The following AKT3 variants were observed in gnomAD, a reference collection of about 807,000 sequenced individuals.
The protein encoded by AKT3 is AKT serine/threonine kinase 3.
A neutral mutation model predicts 65.3 loss-of-function variants in AKT3; 15 were observed. The ratio of observed to expected loss-of-function variants is 0.23; its 90% confidence interval spans 0.15 to 0.35. AKT3 has a LOEUF of 0.35. AKT3 is among the 10% of genes least tolerant of loss of function. The pLI, the probability that AKT3 is intolerant of heterozygous loss-of-function variation, is 1.00. For synonymous variants in AKT3, 206 were observed against 183.8 expected, an observed-to-expected ratio of 1.12 and a Z score of -0.98; for missense variants, 243 against 576.5, an observed-to-expected ratio of 0.42 and a Z score of 5.92.
intron 2 of AKT3, among the ~76,000 whole-genome samples, chr1:243,806,764 A>G (rs1472929136): frequency 1.3e-5 from 2 of 152,174 alleles, no homozygotes; most frequent in Non-Finnish European, 2.9e-5. Context: ...GTTTTTCAAA[A>G]TTACTCATTA....
intron 2 of AKT3, among the ~76,000 whole-genome samples, chr1:243,756,453 T>C (rs997223422): frequency 5.3e-5 from 8 of 152,106 alleles, no homozygotes; most frequent in African/African-American, 1.7e-4. Context: ...GCACAGAAGT[T>C]TGAAGGGAAT....
chr1:243,673,983 A>G (rs550873544), intron 3 of AKT3, among the ~76,000 whole-genome samples: 9 of 152,320 alleles, frequency 5.9e-5, no homozygotes, highest in Middle Eastern at 3.4e-3. Context: ...TTTTTAAACA[A>G]TTCAACAAGA....
intron 2 of AKT3, among the ~76,000 whole-genome samples, chr1:243,812,171 T>C (rs1037058837): frequency 6.6e-6 from 1 of 152,148 alleles, no homozygotes; most frequent in African/African-American, 2.4e-5. Context: ...AATTAACAAA[T>C]GGGATCTAAT....
chr1:243,520,873 A>G (rs1158737853), intron 12 of AKT3, among the ~76,000 whole-genome samples: 1 of 152,220 alleles, frequency 6.6e-6, no homozygotes, highest in Non-Finnish European at 1.5e-5. Context: ...AATGCTATGA[A>G]ATCACTCTAC....
Position 243,693,176 on chromosome 1 carries a change from T to C in AKT3, c.172+2415A>G, listed in dbSNP as rs1684811380. 2.1e-5 allele frequency among the ~76,000 whole-genome samples: 3 copies of C among 143,856 alleles called. No individual in the cohort carries two copies. In the South Asian group the frequency reaches 6.6e-4, roughly 32 times the overall value. The allele number at this position is 143,856 out of a possible 152,430, so 94.4% of individuals were successfully genotyped here. A position where few individuals can be genotyped will look rare whatever the true frequency, so the allele number is the denominator to read the frequency against. ...TTCATTAAAACCCATATTGATTAAA[T>C]ATGAAGTAATATCTTTAATTATCAG... On this transcript the variant is annotated intron_variant, in intron 3 of 13. Transcript: ENST00000673466.
At chr1:243,703,465 T>C (rs1310872621) in intron 2 of AKT3, among the ~76,000 whole-genome samples, 2 of 152,056 alleles carry the variant, frequency 1.3e-5, no homozygotes, top group African/African-American at 4.8e-5. Context: ...ATTGATGTCT[T>C]AAAAATAATC....
chr1:243,547,093 C>G (rs1446379012), intron 11 of AKT3: 1 of 152,034 alleles, frequency 6.6e-6, no homozygotes, highest in Non-Finnish European at 1.5e-5. Context: ...AAACAGTCAA[C>G]AAAACAGTAA....
chr1:243,530,718 T>C (rs1182647067), intron 12 of AKT3, among the ~76,000 whole-genome samples: 1 of 152,044 alleles, frequency 6.6e-6, no homozygotes, highest in Non-Finnish European at 1.5e-5. Context: ...GTACAAAAGA[T>C]GAACAAATCC....
chr1:243,716,127 T>C (rs1052549872), intron 2 of AKT3, among the ~76,000 whole-genome samples: 1 of 152,148 alleles, frequency 6.6e-6, no homozygotes. Flanking sequence ...CAAGAATACA[T>C]GATTTTTAAG....
chr1:243,639,663 C>G (rs1175864369), intron 5 of AKT3, among the ~76,000 whole-genome samples: 1 of 152,190 alleles, frequency 6.6e-6, no homozygotes, highest in Non-Finnish European at 1.5e-5. Flanking sequence ...ACGGGGGAAA[C>G]TGTCAGTTCT....
At chr1:243,576,958 A>G (rs796575748) in intron 8 of AKT3, among the ~76,000 whole-genome samples, 3 of 152,334 alleles carry the variant, frequency 2.0e-5, no homozygotes, top group African/African-American at 7.2e-5. Context: ...GAGCCATCAC[A>G]CTACCTGACT....
intron 11 of AKT3, among the ~76,000 whole-genome samples, chr1:243,546,224 G>T (rs1672666892): frequency 6.6e-6 from 1 of 152,234 alleles, no homozygotes; most frequent in Middle Eastern, 3.4e-3. Context: ...TGATTGTGAG[G>T]CCTCCCCAGC....
chr1:243,537,268 T>C (rs1276266932), intron 12 of AKT3, among the ~76,000 whole-genome samples: 1 of 152,092 alleles, frequency 6.6e-6, no homozygotes, highest in Non-Finnish European at 1.5e-5. Flanking sequence ...CTCCTATCCA[T>C]TTCCTTAGCC....
chr1:243,834,546 GTACTT>G (rs998096965), intron 2 of AKT3, among the ~76,000 whole-genome samples: 4 of 152,138 alleles, frequency 2.6e-5, no homozygotes, highest in African/African-American at 9.7e-5. Flanking sequence ...AGTACACACT[GTACTT>G]TAGAGAGTAT....
intron 11 of AKT3, among the ~76,000 whole-genome samples, chr1:243,551,683 A>G (rs1027441021): frequency 1.3e-5 from 2 of 152,098 alleles, no homozygotes; most frequent in Admixed American, 6.6e-5. Context: ...GCTTCAAATG[A>G]GTAGACTCAG....
intron 3 of AKT3, among the ~76,000 whole-genome samples, chr1:243,673,399 A>G (rs528077036): frequency 6.6e-6 from 1 of 150,842 alleles, no homozygotes; most frequent in African/African-American, 2.5e-5. Flanking sequence ...ATTATTGATG[A>G]TATTATATGT....
Position 243,695,595 on chromosome 1 carries a change from C to A in AKT3, c.168G>T (p.Val56=). 1 of 1,588,158 alleles carries A rather than the reference C, an allele frequency of 6.3e-7. No individual in the cohort carries two copies. The highest frequency in any genetic ancestry group is 1.2e-5 in the South Asian group (1 of 86,162). The change falls in exon 3 of 14, where the codon GTG becomes GTT. Residue 56 remains valine (V), a synonymous_variant. Coordinates refer to ENST00000673466, the MANE Select transcript of AKT3 (RefSeq NM_005465.7). ...DLPYPLNNFS[V]AKCQLMKTER... ...CAACAATTATAATTAACTTACTTGC[C>A]ACTGAAAAGTTGTTGAGGGGATAAG... is the stretch of plus-strand genomic sequence containing the variant.
intron 8 of AKT3, among the ~76,000 whole-genome samples, chr1:243,575,988 T>A (rs1480634287): frequency 1.3e-5 from 2 of 152,124 alleles, no homozygotes; most frequent in Non-Finnish European, 2.9e-5. Flanking sequence ...TTGGTTAGGA[T>A]CTTTACTAAC....
At chr1:243,736,059 T>C (rs1649476299) in intron 2 of AKT3, among the ~76,000 whole-genome samples, 1 of 152,062 alleles carries the variant, frequency 6.6e-6, no homozygotes, top group African/African-American at 2.4e-5. Context: ...AATAAGAAAA[T>C]GCAAGTGCTA....
Sources: allele counts gnomAD v4.1 joint callset (sites outside exome capture counted in the v4.1 genomes callset), GRCh38; gene constraint gnomAD v4.1.1; transcripts MANE v1.5; gene names NCBI Gene and HGNC (gene_info 2026-07-23, HGNC 2026-07-21).